The following PLEC variants were observed in gnomAD, a reference collection of about 807,000 sequenced individuals.
PLEC encodes the protein plectin, also known as hemidesmosomal protein 1.
PLEC carries 216 observed loss-of-function variants against 392.8 expected under a neutral mutation model. The observed-to-expected ratio is 0.55, with a 90% CI of 0.49 to 0.62. The LOEUF (loss-of-function observed/expected upper bound fraction) is 0.62. Ranked by LOEUF, PLEC falls within the 20% of genes least tolerant of loss-of-function variation. The pLI, the probability that PLEC is intolerant of heterozygous loss-of-function variation, is 0.00. For synonymous variants in PLEC, 3,621 were observed against 2,980.6 expected (o/e 1.21, Z -7.00); for missense variants, 6,863 against 6,563.4 (o/e 1.05, Z -1.58).
At chr8:143,937,575 T>G (rs1829393359) in intron 3 of PLEC, 3 of 478,938 alleles carry the variant, frequency 6.3e-6, no homozygotes, top group Non-Finnish European at 3.9e-6. Flanking sequence ...CAGCCACCGG[T>G]GGGTCCCAGG....
At chr8:143,939,637 G>C (rs1297554377), upstream of PLEC, 1 of 1,425,480 alleles carries the variant, frequency 7.0e-7, no homozygotes, top group Admixed American at 2.6e-5. Context: ...ACTCCCCGGC[G>C]AGGCCGGCCC....
chr8:143,944,389 A>C (rs1365711921), upstream of PLEC, among the ~76,000 whole-genome samples: 2 of 152,136 alleles, frequency 1.3e-5, no homozygotes, highest in Admixed American at 1.3e-4. Flanking sequence ...GCAGGCATGG[A>C]GGGATGCCAG....
chr8:143,929,659 C>T lies in PLEC; in HGVS notation c.2910G>A (p.Gln970=), dbSNP rs536444348. The part of the protein sequence containing the change: ...SCSHHYQQLL[Q]SLEQGAQEES... ...GCCGTGCCCTACCCTGTTCCAGGCT[C>T]TGCAGCAGCTGCTGGTAGTGGTGGC... Residue 970 remains glutamine, a synonymous_variant, in exon 23 of 32, where the codon CAG becomes CAA. Coordinates refer to ENST00000345136, the MANE Select transcript of PLEC (RefSeq NM_201384.3). The T allele has an allele frequency of 7.5e-5, 120 of 1,603,554 alleles. 1 individual carries two copies. The East Asian group carries it at 2.6e-3, about 35-fold the overall frequency.
chr8:143,943,833 G>A (rs376936306), upstream of PLEC: 3 of 1,612,268 alleles, frequency 1.9e-6, no homozygotes, highest in African/African-American at 4.0e-5. Context: ...ACAGCGGCCA[G>A]GGTGACAACG....
upstream of PLEC, among the ~76,000 whole-genome samples, chr8:143,951,976 C>G (rs1043052021): frequency 1.6e-4 from 24 of 152,098 alleles, no homozygotes; most frequent in Non-Finnish European, 3.4e-4. Context: ...CCACCCGTAT[C>G]GCTGCTCGCC....
chr8:143,947,669 C>G (rs1055374738), intron 1 of PLEC, among the ~76,000 whole-genome samples: 4 of 152,130 alleles, frequency 2.6e-5, no homozygotes, highest in African/African-American at 4.8e-5. Context: ...AGAATCGCTT[C>G]AACCCGGGAG....
In PLEC at chr8:143,925,257, C is replaced by G. The variant is rs782279871; in HGVS notation, c.4672G>C (p.Glu1558Gln). 11 of 1,584,640 alleles carry G rather than the reference C, an allele frequency of 6.9e-6. No homozygotes were observed. Among genetic ancestry groups the G allele is most frequent in the Non-Finnish European group, 9.4e-6 (11 of 1,173,652 alleles). Residue 1558 changes from glutamate (E) to glutamine (Q), a missense_variant, in exon 31 of 32, where the codon GAG becomes CAG. Transcript: ENST00000345136. ...AERRLRQAEV[E>Q]RARQVQVALE... ...GCCACCTGTACCTGCCGCGCTCGCTCCACCTCGGCCTGCCGCAGGCGCCGC... is the reference window on the plus strand; with the variant it reads ...GCCACCTGTACCTGCCGCGCTCGCTGCACCTCGGCCTGCCGCAGGCGCCGC...
At position 143,932,459 on chromosome 8, in the gene PLEC, C is replaced by T. The variant is rs782465359; in HGVS notation, c.1918G>A (p.Val640Met). 1.9e-6 allele frequency: 3 copies of T among 1,612,116 alleles called. No individual in the cohort carries two copies. The highest frequency in any genetic ancestry group is 1.7e-6 in the Non-Finnish European group (2 of 1,179,724). The change falls in exon 16 of 32, where the codon GTG becomes ATG. Residue 640 changes from valine (V) to methionine (M), a missense_variant. Transcript: ENST00000345136. The stretch of plus-strand genomic sequence containing the variant: ...TTGCGGTCGCTCCAGTCGAAGCCCA[C>T]CTCCTCCTCCTCCTTCTCATTCAGC... Reference protein sequence around the residue: ...MWLNEKEEEEVGFDWSDRNTN... With the variant: ...MWLNEKEEEEMGFDWSDRNTN...
chr8:143,919,550 T>C lies in PLEC; in HGVS notation c.10271A>G (p.Glu3424Gly). 1 of 1,609,360 alleles carries C rather than the reference T, an allele frequency of 6.2e-7. No individual in the cohort carries two copies. The highest frequency in any genetic ancestry group is 8.5e-7 in the Non-Finnish European group (1 of 1,178,972). Residue 3424 changes from glutamate to glycine, a missense_variant, in exon 32 of 32, where the codon GAG becomes GGG. Transcript: ENST00000345136. ...KAGVVGPELH[E>G]QLLSAEKAVT... The stretch of plus-strand genomic sequence containing the variant: ...GGCCTTCTCGGCAGACAGCAGCTGC[T>C]CGTGAAGCTCGGGGCCCACCACGCC...
chr8:143,923,733 G>GT lies in PLEC; in HGVS notation c.6195dup (p.Gln2066ThrfsTer26), dbSNP rs1554693937. On this transcript the variant is annotated frameshift_variant, in exon 31 of 32. Transcript: ENST00000345136. LOFTEE classifies it high-confidence loss of function. Reference sequence around the variant, plus strand: ...CTCTGCTCCTGCTGCAGCGTCTGCTGTAGCTCCTGCTCCTTCTGCTGCACC... The same window carrying GT: ...CTCTGCTCCTGCTGCAGCGTCTGCTGTTAGCTCCTGCTCCTTCTGCTGCACC... The GT allele has an allele frequency of 2.6e-6, 4 of 1,546,268 alleles. No individual in the cohort carries two copies. Among genetic ancestry groups the GT allele is most frequent in the Non-Finnish European group, 3.5e-6 (4 of 1,152,470 alleles).
chr8:143,952,780 C>G (rs1391928904), upstream of PLEC, among the ~76,000 whole-genome samples: 2 of 152,182 alleles, frequency 1.3e-5, no homozygotes, highest in African/African-American at 2.4e-5. Context: ...TGGGCCGCCA[C>G]CCAACCAGCC....
At chr8:143,938,053 A>G in intron 3 of PLEC, 98 bp downstream of exon 3, 1 of 848,996 alleles carries the variant, frequency 1.2e-6, no homozygotes, top group Admixed American at 2.0e-5. Context: ...GCTGGATTCC[A>G]AGTAGAGTGG....
intron 30 of PLEC, among the ~76,000 whole-genome samples, chr8:143,926,167 G>A (rs1299344829): frequency 6.6e-6 from 1 of 152,220 alleles, no homozygotes; most frequent in Non-Finnish European, 1.5e-5. Flanking sequence ...GAGAGAGAGA[G>A]CAAAGCAGGA....
upstream of PLEC, chr8:143,953,618 C>A (rs1166073992): frequency 7.5e-6 from 9 of 1,200,266 alleles, no homozygotes; most frequent in East Asian, 2.3e-4. Flanking sequence ...CCCACAGTGT[C>A]ACCCCAGGGA....
At position 143,973,521 on chromosome 8, in the gene PLEC, G is replaced by A. The variant is rs1205743717; in HGVS notation, c.-49C>T. ...TGCAGCGGAGCCTCCAGCACCCGGC[G>A]GCCACTCTGTCCCCGCGGCCGCGCG... On this transcript the variant is annotated 5_prime_UTR_variant, in exon 1 of 32. Coordinates refer to the PLEC transcript ENST00000356346. The surrounding 1 kb of genome is among the most constrained non-coding windows in gnomAD (Gnocchi z 5.6). 7 of 1,304,570 alleles carry A rather than the reference G, an allele frequency of 5.4e-6. No homozygotes were observed. Among genetic ancestry groups the A allele is most frequent in the African/African-American group, 3.1e-5 (2 of 63,666 alleles). The allele number at this position is 1,304,570 out of a possible 1,614,324, so 80.8% of individuals were successfully genotyped here. A position where few individuals can be genotyped will look rare whatever the true frequency, so the allele number is the denominator to read the frequency against.
rs1047274357 is a variant in PLEC at position 143,967,790 on chromosome 8, G to A, written c.70+5613C>T. On this transcript the variant is annotated intron_variant, in intron 1 of 31. Transcript: ENST00000356346. ...GAATAGGCAGTTCACAAAAGAAAAG[G>A]TGCAAATAGTCAACAACTCTAGGAG... is the stretch of plus-strand genomic sequence containing the variant. Among the ~76,000 whole-genome samples the A allele has an allele frequency of 4.0e-5, 6 of 151,844 alleles. No individual in the cohort carries two copies. The East Asian group carries it at 1.2e-3, about 29-fold the overall frequency.
chr8:143,953,383 C>T (rs1428831949), upstream of PLEC, among the ~76,000 whole-genome samples: 3 of 151,986 alleles, frequency 2.0e-5, no homozygotes, highest in African/African-American at 7.3e-5. Context: ...GCGGCAAACT[C>T]GGGCCGGGTG....
At position 143,973,331 on chromosome 8, in the gene PLEC, C is replaced by T; in HGVS notation, c.70+72G>A. 6.6e-7 allele frequency: 1 copy of T among 1,522,262 alleles called. No individual in the cohort carries two copies. 94.3% of individuals were successfully genotyped at this position (1,522,262 alleles called of 1,614,324 possible). On this transcript the variant is annotated intron_variant, in intron 1 of 31. Transcript: ENST00000356346. The surrounding 1 kb of genome is among the most constrained non-coding windows in gnomAD (Gnocchi z 5.6). ...TCGGGCCGGCGATCGGGACCGCCACCGTGGACGACAAGGTGCTCGGCGGCT... is the reference window on the plus strand; with the variant it reads ...TCGGGCCGGCGATCGGGACCGCCACTGTGGACGACAAGGTGCTCGGCGGCT...
In PLEC at chr8:143,918,715, C is replaced by T. The variant is rs782385648; in HGVS notation, c.11106G>A (p.Gln3702=). The T allele has an allele frequency of 6.2e-7, 1 of 1,613,026 alleles. No homozygotes were observed. Residue 3702 remains glutamine, a synonymous_variant, in exon 32 of 32, where the codon CAG becomes CAA. Coordinates refer to ENST00000345136, the MANE Select transcript of PLEC (RefSeq NM_201384.3). ...TGAGAGCCTGGTAGATGCTCAGTGT[C>T]TGCCTGGAACCGGGCAGGTAGACAC... ...VAGVYLPGSR[Q]TLSIYQALKK...
Sources: gnomAD v4.1 joint callset for allele counts (sites outside exome capture counted in the v4.1 genomes callset) on GRCh38, gnomAD v4.1.1 for gene constraint, Gnocchi (gnomAD v3.1) non-coding constraint, MANE v1.5 for transcripts, NCBI Gene and HGNC (gene_info 2026-07-23, HGNC 2026-07-21) for gene names.